PITPNC1: variants seen among roughly 807,000 people sequenced by gnomAD.
PITPNC1 encodes phosphatidylinositol transfer protein cytoplasmic 1.
A neutral mutation model predicts 44.7 loss-of-function variants in PITPNC1; 18 were observed. The ratio of observed to expected loss-of-function variants is 0.40; its 90% CI spans 0.28 to 0.60. PITPNC1 has a LOEUF of 0.60. PITPNC1 is among the 20% of genes least tolerant of loss of function. The probability of loss-of-function intolerance (pLI) is 0.39; values close to 1 mark genes in which losing one functional copy is unlikely to be tolerated. For synonymous variants in PITPNC1, 141 were observed against 149.6 expected (o/e 0.94, Z 0.42); for missense variants, 290 against 418.4 (o/e 0.69, Z 2.68).
intron 7 of PITPNC1, among the ~76,000 whole-genome samples, chr17:67,670,521 G>C (rs1466220159): frequency 6.6e-6 from 1 of 152,130 alleles, no homozygotes; most frequent in Non-Finnish European, 1.5e-5. Context: ...GCTGAGGCAG[G>C]TGGATCACTT....
At chr17:67,499,094 G>C (rs553656870) in intron 1 of PITPNC1, among the ~76,000 whole-genome samples, 1 of 152,006 alleles carries the variant, frequency 6.6e-6, no homozygotes, top group Non-Finnish European at 1.5e-5. Flanking sequence ...GGCTGGTCTC[G>C]AACTCCTGAC....
intron 1 of PITPNC1, among the ~76,000 whole-genome samples, chr17:67,504,020 C>T (rs1395140264): frequency 1.3e-5 from 2 of 152,084 alleles, no homozygotes; most frequent in African/African-American, 2.4e-5. Context: ...AGTTTGGGGG[C>T]TGGCAGATAG....
intron 1 of PITPNC1, among the ~76,000 whole-genome samples, chr17:67,403,138 C>A (rs956287028): frequency 2.1e-5 from 3 of 141,196 alleles, no homozygotes; most frequent in African/African-American, 7.8e-5. Context: ...TGCCTGTAAT[C>A]CCAAGGGGCC....
At chr17:67,468,343 G>C (rs1435136427) in intron 1 of PITPNC1, among the ~76,000 whole-genome samples, 1 of 152,074 alleles carries the variant, frequency 6.6e-6, no homozygotes, top group African/African-American at 2.4e-5. Flanking sequence ...GACAGATTTG[G>C]GAGTCCCTTG....
chr17:67,468,271 A>G (rs902256361), intron 1 of PITPNC1, among the ~76,000 whole-genome samples: 1 of 152,174 alleles, frequency 6.6e-6, no homozygotes, highest in Non-Finnish European at 1.5e-5. Context: ...AGGCTCAATT[A>G]AGGAGCTGGA....
intron 6 of PITPNC1, among the ~76,000 whole-genome samples, chr17:67,647,588 G>A (rs2042167038): frequency 6.9e-6 from 1 of 144,176 alleles, no homozygotes; most frequent in East Asian, 2.1e-4. Context: ...AAAGATGACA[G>A]GTGTGAGCCA....
intron 1 of PITPNC1, among the ~76,000 whole-genome samples, chr17:67,397,729 A>G (rs1044242581): frequency 1.3e-5 from 2 of 152,172 alleles, no homozygotes; most frequent in Non-Finnish European, 2.9e-5. Context: ...AGGATGTTCA[A>G]CTTGCTTTCT....
At chr17:67,532,436 C>T (rs1028732171) in intron 1 of PITPNC1, among the ~76,000 whole-genome samples, 22 of 152,132 alleles carry the variant, frequency 1.4e-4, no homozygotes, top group Admixed American at 5.9e-4. Context: ...CACACACCCT[C>T]GGCTGTCTTG....
rs544513121 is a variant in PITPNC1, at chr17:67,490,333, G to C, written c.49-42469G>C. ...ATTTAACTTGGCAGGATCTCAGTTT[G>C]TTGTTGTTGGTTTTTTGTTTTTTGT... On this transcript the variant is annotated intron_variant, in intron 1 of 8. Transcript: ENST00000581322. Among the ~76,000 whole-genome samples the C allele has an allele frequency of 4.6e-5, 7 of 151,982 alleles. No homozygotes were observed. The South Asian group carries it at 1.5e-3, about 32-fold the overall frequency.
chr17:67,448,388 T>C (rs1172036326), intron 1 of PITPNC1, among the ~76,000 whole-genome samples: 1 of 152,200 alleles, frequency 6.6e-6, no homozygotes, highest in Admixed American at 6.5e-5. Context: ...AGTGATTTGA[T>C]CACCTGGAAC....
At chr17:67,400,352 C>T (rs2038288725) in intron 1 of PITPNC1, among the ~76,000 whole-genome samples, 1 of 152,206 alleles carries the variant, frequency 6.6e-6, no homozygotes, top group Admixed American at 6.5e-5. Flanking sequence ...GGTGGTGTGT[C>T]TCTTGCTCGG....
intron 6 of PITPNC1, among the ~76,000 whole-genome samples, chr17:67,644,425 ATTTTTTTT>A (rs750245444): frequency 0.055 from 5,989 of 109,064 alleles, 143 homozygotes; most frequent in Middle Eastern, 0.087. Flanking sequence ...TCCCTCTGTA[ATTTTTTTT>A]TTTTTTTTTT....
At chr17:67,634,954 G>A (rs962635645) in intron 6 of PITPNC1, among the ~76,000 whole-genome samples, 4 of 152,186 alleles carry the variant, frequency 2.6e-5, no homozygotes, top group Admixed American at 6.6e-5. Flanking sequence ...TCAGAAGACT[G>A]AGGCAGGAGA....
chr17:67,683,743 C>T (rs1024950102), intron 8 of PITPNC1, among the ~76,000 whole-genome samples: 2 of 151,582 alleles, frequency 1.3e-5, no homozygotes, highest in Middle Eastern at 3.4e-3. Flanking sequence ...TTTGGGAGGG[C>T]GAGGTGGGCG....
At chr17:67,426,393 T>C (rs936874753) in intron 1 of PITPNC1, among the ~76,000 whole-genome samples, 2 of 152,026 alleles carry the variant, frequency 1.3e-5, no homozygotes, top group Non-Finnish European at 2.9e-5. Flanking sequence ...ATAAAGAAAA[T>C]GTGGTACATA....
chr17:67,398,666 A>G (rs1276176103), intron 1 of PITPNC1, among the ~76,000 whole-genome samples: 1 of 152,098 alleles, frequency 6.6e-6, no homozygotes, highest in African/African-American at 2.4e-5. Flanking sequence ...AGCAGCAGCG[A>G]CCACCAGTGA....
chr17:67,451,535 C>T (rs118104110), intron 1 of PITPNC1, among the ~76,000 whole-genome samples: 3,889 of 152,202 alleles, frequency 0.026, 86 homozygotes, highest in Non-Finnish European at 0.034. Context: ...CCCTGATCCC[C>T]GGCAACTAGT....
At chr17:67,396,258 A>G (rs1305507476) in intron 1 of PITPNC1, among the ~76,000 whole-genome samples, 2 of 152,224 alleles carry the variant, frequency 1.3e-5, no homozygotes, top group Non-Finnish European at 2.9e-5. Flanking sequence ...TAAATTTAAA[A>G]TTAGCCATTA....
intron 4 of PITPNC1, among the ~76,000 whole-genome samples, chr17:67,569,732 G>A (rs2041026645): frequency 6.6e-6 from 1 of 152,156 alleles, no homozygotes; most frequent in Admixed American, 6.5e-5. Flanking sequence ...TGAGATGACA[G>A]GAGAGCTCCT....
Sources: gnomAD v4.1 joint callset for allele counts (sites outside exome capture counted in the v4.1 genomes callset) on GRCh38, gnomAD v4.1.1 for gene constraint, MANE v1.5 for transcripts, NCBI Gene and HGNC (gene_info 2026-07-23, HGNC 2026-07-21) for gene names.